Variants in SDCBP observed in about 807,000 individuals in gnomAD.
SDCBP encodes syntenin-1.
A neutral mutation model predicts 30.5 loss-of-function variants in SDCBP; 22 were observed. The ratio of observed to expected loss-of-function variants is 0.72; its 90% CI spans 0.52 to 1.03. The LOEUF is 1.03. Ranked by LOEUF, SDCBP falls within the 50% of genes least tolerant of loss-of-function variation. The probability of loss-of-function intolerance (pLI) is 0.00; values close to 1 mark genes in which losing one functional copy is unlikely to be tolerated. For missense variants in SDCBP, 304 were observed against 369.9 expected (o/e 0.82, Z 1.46); for synonymous variants, 103 against 118.7 (o/e 0.87, Z 0.86).
At chr8:58,574,548 T>C (rs1805216507) in intron 4 of SDCBP, among the ~76,000 whole-genome samples, 1 of 152,192 alleles carries the variant, frequency 6.6e-6, no homozygotes, top group African/African-American at 2.4e-5. Flanking sequence ...TCCAGGGTTC[T>C]TCAGTGCGCC....
Position 58,581,696 on chromosome 8 carries a change from A to T in SDCBP, c.853A>T (p.Ser285Cys). The T allele has an allele frequency of 6.2e-7, 1 of 1,612,338 alleles. No homozygotes were observed. Among genetic ancestry groups the T allele is most frequent in the South Asian group, 1.1e-5 (1 of 91,040 alleles). ...FEHIIKRMAP[S>C]IMKSLMDHTI... ...GTACCTCTCTTGTAGGATGGCACCA[A>T]GCATTATGAAAAGCCTAATGGACCA... Residue 285 changes from serine to cysteine, a missense_variant, in exon 9 of 9, where the codon AGC becomes TGC. Ser to Cys is a moderately radical substitution (Grantham distance 112). Coordinates refer to ENST00000260130, the MANE Select transcript of SDCBP (RefSeq NM_005625.4).
chr8:58,578,355 A>C (rs779446048), intron 6 of SDCBP, 147 bp downstream of exon 6: 13 of 502,212 alleles, frequency 2.6e-5, no homozygotes, highest in Admixed American at 7.8e-5. Flanking sequence ...TGTGTGGTGC[A>C]GATTTTTCTT....
chr8:58,558,875 T>G (rs187234046), intron 1 of SDCBP, among the ~76,000 whole-genome samples: 9 of 152,312 alleles, frequency 5.9e-5, no homozygotes, highest in South Asian at 2.1e-4. Flanking sequence ...TGGAAGCATG[T>G]GACCTGGGTG....
chr8:58,580,371 T>G (rs552540002), intron 7 of SDCBP, 146 bp from the exon 8 acceptor site: 17 of 581,390 alleles, frequency 2.9e-5, no homozygotes, highest in Non-Finnish European at 5.2e-5. Flanking sequence ...TGTAAAATAG[T>G]GTACAATTAA....
chr8:58,573,278 T>A (rs370895538), intron 4 of SDCBP, among the ~76,000 whole-genome samples: 2 of 152,198 alleles, frequency 1.3e-5, no homozygotes, highest in East Asian at 1.9e-4. Flanking sequence ...GTCTGTCTTG[T>A]TGCCATATCC....
chr8:58,565,275 CTG>C (rs1804644984), intron 2 of SDCBP, among the ~76,000 whole-genome samples, 191 bp downstream of exon 2: 1 of 151,722 alleles, frequency 6.6e-6, no homozygotes, highest in East Asian at 1.9e-4. Flanking sequence ...TTTCATTTCA[CTG>C]TGAATTAATA....
chr8:58,581,838 A>C lies in SDCBP; in HGVS notation c.*98A>C, dbSNP rs1347224268. The C allele has an allele frequency of 1.1e-6, 1 of 921,046 alleles. No homozygotes were observed. Among genetic ancestry groups the C allele is most frequent in the Non-Finnish European group, 1.8e-6 (1 of 555,808 alleles). 57.1% of individuals were successfully genotyped at this position (921,046 alleles called of 1,614,324 possible). A position where few individuals can be genotyped will look rare whatever the true frequency, so the allele number is the denominator to read the frequency against. On this transcript the variant is annotated 3_prime_UTR_variant, in exon 9 of 9. Transcript: ENST00000260130. ...TGAAGCCTTCCCGGAGCCAGCGAGCATATGCTGCATGAGGACCTTTCTATC... is the reference window on the plus strand; with the variant it reads ...TGAAGCCTTCCCGGAGCCAGCGAGCCTATGCTGCATGAGGACCTTTCTATC...
At position 58,572,286 on chromosome 8, in the gene SDCBP, C is replaced by A; in HGVS notation, c.212C>A (p.Ala71Asp). The change falls in exon 4 of 9, where the codon GCC becomes GAC. Residue 71 changes from alanine to aspartate, a missense_variant. Ala to Asp is a moderately radical substitution (Grantham distance 126). Transcript: ENST00000260130. ...LNEEEIRANV[A>D]VVSGAPLQGQ... The stretch of plus-strand genomic sequence containing the variant: ...GAAGAAGAAATACGTGCAAATGTGG[C>A]CGTGGTTTCTGGTGCACCACTTCAG... The A allele has an allele frequency of 6.2e-7, 1 of 1,611,974 alleles. No homozygotes were observed. Among genetic ancestry groups the A allele is most frequent in the Non-Finnish European group, 8.5e-7 (1 of 1,178,998 alleles).
At chr8:58,564,938 G>T in intron 1 of SDCBP, 81 bp from the exon 2 acceptor site, 1 of 697,146 alleles carries the variant, frequency 1.4e-6, no homozygotes. Flanking sequence ...AGTTCTACTT[G>T]TTTATGTGTC....
At chr8:58,560,889 C>G (rs1419452689) in intron 1 of SDCBP, 1 of 152,120 alleles carries the variant, frequency 6.6e-6, no homozygotes, top group Non-Finnish European at 1.5e-5. Context: ...ATCAAAGAGT[C>G]AAAATATCCA....
chr8:58,580,273 G>A (rs952418254), intron 7 of SDCBP, among the ~76,000 whole-genome samples: 7 of 152,080 alleles, frequency 4.6e-5, no homozygotes, highest in African/African-American at 1.7e-4. Context: ...TATTGTATAT[G>A]GGGAAAATTA....
At chr8:58,555,755 T>TTG (rs996888654) in intron 1 of SDCBP, among the ~76,000 whole-genome samples, 1 of 151,608 alleles carries the variant, frequency 6.6e-6, no homozygotes, top group African/African-American at 2.4e-5. Context: ...TTTTTTAGTT[T>TTG]TTTTTTTTTT....
In SDCBP at chr8:58,582,498, T is replaced by A. The variant is rs1805748335; in HGVS notation, c.*758T>A. The A allele has an allele frequency of 6.6e-6, 1 of 152,650 alleles. No individual in the cohort carries two copies. The highest frequency in any genetic ancestry group is 6.5e-5 in the Admixed American group (1 of 15,278). 9.5% of individuals were successfully genotyped at this position (152,650 alleles called of 1,614,324 possible). On this transcript the variant is annotated 3_prime_UTR_variant, in exon 9 of 9. Coordinates refer to ENST00000260130, the MANE Select transcript of SDCBP (RefSeq NM_005625.4). ...TAGCTGCTTAGTTGTTTTTGAGATTTTTTAGTCAACACATAATGGAAACTT... is the reference window on the plus strand; with the variant it reads ...TAGCTGCTTAGTTGTTTTTGAGATTATTTAGTCAACACATAATGGAAACTT...
chr8:58,575,776 G>T (rs113031047), intron 4 of SDCBP, 124 bp from the exon 5 acceptor site: 4 of 750,892 alleles, frequency 5.3e-6, no homozygotes, highest in Non-Finnish European at 8.8e-6. Flanking sequence ...AAACTTTATC[G>T]GAAGGAAATT....
At chr8:58,574,787 AAC>A (rs1201486747) in intron 4 of SDCBP, among the ~76,000 whole-genome samples, 5 of 152,176 alleles carry the variant, frequency 3.3e-5, no homozygotes, top group Non-Finnish European at 5.9e-5. Flanking sequence ...AACACACACA[AAC>A]ACACATTGTG....
At chr8:58,573,514 G>A (rs1452543222) in intron 4 of SDCBP, among the ~76,000 whole-genome samples, 1 of 152,184 alleles carries the variant, frequency 6.6e-6, no homozygotes, top group Admixed American at 6.5e-5. Context: ...GAACCTAGAA[G>A]CTTGAGGAAG....
At chr8:58,557,348 A>G (rs1351748633) in intron 1 of SDCBP, among the ~76,000 whole-genome samples, 6 of 136,316 alleles carry the variant, frequency 4.4e-5, no homozygotes, top group African/African-American at 1.6e-4. Flanking sequence ...AATATATAAA[A>G]TATATAGATA....
At chr8:58,557,326 T>A (rs1482059450) in intron 1 of SDCBP, among the ~76,000 whole-genome samples, 7 of 135,390 alleles carry the variant, frequency 5.2e-5, no homozygotes, top group African/African-American at 1.7e-4. Context: ...AAATATAAAA[T>A]ATATAAATAT....
rs562948971 is a variant in SDCBP, at chr8:58,558,223, T to G, written c.-16+4920T>G. On this transcript the variant is annotated intron_variant, in intron 1 of 8. Coordinates refer to ENST00000260130, the MANE Select transcript of SDCBP (RefSeq NM_005625.4). ...TCAATAAGTGTTTAAAGATATCTTA[T>G]TTACTGTTGTTTTGATGACATTTGT... Among the ~76,000 whole-genome samples the G allele has an allele frequency of 1.2e-4, 18 of 152,372 alleles. No homozygotes were observed. The East Asian group carries it at 3.3e-3, about 28-fold the overall frequency.
Sources: allele counts gnomAD v4.1 joint callset (sites outside exome capture counted in the v4.1 genomes callset), GRCh38; gene constraint gnomAD v4.1.1; transcripts MANE v1.5; gene names NCBI Gene and HGNC (gene_info 2026-07-23, HGNC 2026-07-21).